The following KLHL29 variants were observed in gnomAD, a reference collection of about 807,000 sequenced individuals.
KLHL29 encodes kelch like family member 29.
A neutral mutation model predicts 80.4 loss-of-function variants in KLHL29; 21 were observed. That is an observed-to-expected ratio of 0.26 (90% CI 0.19 to 0.38). The LOEUF is 0.38. Among genes scored for constraint, KLHL29 ranks in the 10% least tolerant of loss-of-function variants. The pLI, the probability that KLHL29 is intolerant of heterozygous loss-of-function variation, is 1.00. For missense variants in KLHL29, 867 were observed against 1,223.9 expected (o/e 0.71, Z 4.35); for synonymous variants, 511 against 526.8 (o/e 0.97, Z 0.41).
chr2:23,692,851 T>C (rs1452049664), intron 7 of KLHL29, among the ~76,000 whole-genome samples: 3 of 152,096 alleles, frequency 2.0e-5, no homozygotes, highest in Non-Finnish European at 2.9e-5. Context: ...GGGGCACTAC[T>C]GCTAACGAAG....
In KLHL29 at chr2:23,684,391, T is replaced by C; in HGVS notation, c.941-8T>C. On this transcript the variant is annotated splice_polypyrimidine_tract_variant and splice_region_variant and intron_variant, in intron 5 of 13. Transcript: ENST00000486442. This position sits in a 1 kb window ranked among gnomAD's most constrained non-coding sequence, Gnocchi z 4.4. ...AACCTGGCCCTGTCTGTCTTCTCTG[T>C]TCTGCAGAAATGTTGAAGGAATTGA... 1 of 1,516,408 alleles carries C rather than the reference T, an allele frequency of 6.6e-7. No homozygotes were observed. The highest frequency in any genetic ancestry group is 8.8e-7 in the Non-Finnish European group (1 of 1,131,138). 93.9% of individuals were successfully genotyped at this position (1,516,408 alleles called of 1,614,324 possible). A position where few individuals can be genotyped will look rare whatever the true frequency, so the allele number is the denominator to read the frequency against.
At chr2:23,500,824 C>G (rs1400759422) in intron 2 of KLHL29, among the ~76,000 whole-genome samples, 1 of 152,190 alleles carries the variant, frequency 6.6e-6, no homozygotes, top group African/African-American at 2.4e-5. Context: ...GATTTCAAAT[C>G]CTGCACGTGG....
At position 23,658,332 on chromosome 2, in the gene KLHL29, C is replaced by T. The variant is rs187766052; in HGVS notation, c.940+15482C>T. ...CCTGGACACCAGGGTGGGGAAGATG[C>T]CCCCGTCAGCACAGGCTGCTAAGTC... On this transcript the variant is annotated intron_variant, in intron 5 of 13. Coordinates refer to ENST00000486442, the MANE Select transcript of KLHL29 (RefSeq NM_052920.2). 1.2e-3 allele frequency among the ~76,000 whole-genome samples: 190 copies of T among 152,260 alleles called. 1 individual carries two copies. The highest frequency in any genetic ancestry group is 4.3e-3 in the African/African-American group (179 of 41,558).
intron 1 of KLHL29, among the ~76,000 whole-genome samples, chr2:23,403,358 A>T (rs1407564668): frequency 6.6e-6 from 1 of 152,198 alleles, no homozygotes; most frequent in African/African-American, 2.4e-5. Context: ...TGGGAAAGGA[A>T]CCAAATGGTT....
chr2:23,534,010 C>CTGATATTTTAAT (rs1666584712), intron 2 of KLHL29, among the ~76,000 whole-genome samples: 1 of 151,492 alleles, frequency 6.6e-6, no homozygotes, highest in Admixed American at 6.6e-5. Flanking sequence ...AATAGTCCTC[C>CTGATATTTTAAT]TGATATTTTA....
At chr2:23,446,365 G>A (rs1663678099) in intron 1 of KLHL29, among the ~76,000 whole-genome samples, 1 of 152,054 alleles carries the variant, frequency 6.6e-6, no homozygotes, top group Non-Finnish European at 1.5e-5. Context: ...CCATTGATCT[G>A]TCAGACCCAA....
intron 5 of KLHL29, among the ~76,000 whole-genome samples, chr2:23,664,564 A>G (rs370669428): frequency 6.6e-6 from 1 of 152,224 alleles, no homozygotes; most frequent in Non-Finnish European, 1.5e-5. Flanking sequence ...CAGGGCCAGG[A>G]GGCGGGGATA....
At chr2:23,448,155 T>C in intron 1 of KLHL29, among the ~76,000 whole-genome samples, 1 of 152,200 alleles carries the variant, frequency 6.6e-6, no homozygotes, top group African/African-American at 2.4e-5. Flanking sequence ...ACAGGACGTG[T>C]GAGAAGACTA....
intron 5 of KLHL29, among the ~76,000 whole-genome samples, chr2:23,660,632 C>T (rs909899369): frequency 1.3e-5 from 2 of 152,260 alleles, no homozygotes; most frequent in Non-Finnish European, 2.9e-5. Context: ...TCACCAGGCT[C>T]CAGCCTTCTG....
intron 5 of KLHL29, 118 bp downstream of exon 5, chr2:23,642,968 A>G: frequency 8.6e-7 from 1 of 1,158,060 alleles, no homozygotes; most frequent in Non-Finnish European, 1.3e-6. Flanking sequence ...GGCCTCCCCA[A>G]CCCAGAGGCT....
intron 3 of KLHL29, among the ~76,000 whole-genome samples, chr2:23,564,469 C>T (rs950268709): frequency 6.6e-6 from 1 of 152,248 alleles, no homozygotes; most frequent in Non-Finnish European, 1.5e-5. Flanking sequence ...TGCCTCCAGC[C>T]CGGCCTGTTT....
At chr2:23,414,126 A>C (rs146397639) in intron 1 of KLHL29, among the ~76,000 whole-genome samples, 3 of 152,368 alleles carry the variant, frequency 2.0e-5, no homozygotes, top group Non-Finnish European at 4.4e-5. Context: ...TTTCAGAAGA[A>C]AGAGGCTGAG....
intron 2 of KLHL29, among the ~76,000 whole-genome samples, chr2:23,516,148 G>A (rs934370): frequency 0.18 from 27,768 of 151,974 alleles, 3,017 homozygotes; most frequent in East Asian, 0.56. Context: ...GATCCCTTCT[G>A]CCCTGCCCAG....
chr2:23,690,580 G>A (rs1026365991), intron 6 of KLHL29: 10 of 152,284 alleles, frequency 6.6e-5, no homozygotes, highest in South Asian at 2.1e-4. Context: ...TCCCAGCCAC[G>A]TGGCCAGGCC....
intron 1 of KLHL29, among the ~76,000 whole-genome samples, chr2:23,399,924 C>T (rs1666546901): frequency 6.6e-6 from 1 of 152,210 alleles, no homozygotes; most frequent in African/African-American, 2.4e-5. Flanking sequence ...CTAACTAGTA[C>T]TCCATCCCAT....
rs780947540 is a variant in KLHL29 at position 23,695,910 on chromosome 2, C to CT, written c.1742-39dup. On this transcript the variant is annotated intron_variant, in intron 9 of 13. Transcript: ENST00000486442. The surrounding 1 kb of genome is among the most constrained non-coding windows in gnomAD (Gnocchi z 7.6). ...GGTGCCAGGCACAGATGCCGACAGT[C>CT]TTAGAGTGTGTCCCAAGGGCGCCCA... 1.2e-4 allele frequency: 189 copies of CT among 1,544,348 alleles called. 1 individual carries two copies. Among genetic ancestry groups the CT allele is most frequent in the Middle Eastern group, 1.7e-4 (1 of 5,984 alleles).
Position 23,523,698 on chromosome 2 carries a change from G to A in KLHL29, c.-45-38454G>A, listed in dbSNP as rs373695867. Among the ~76,000 whole-genome samples, 101 of 152,278 alleles carry A rather than the reference G, an allele frequency of 6.6e-4. 1 individual carries two copies. In the South Asian group the frequency reaches 0.017, roughly 26 times the overall value. ...CAAACATTGAGGAAGTACCTACTGTGTGCAGGCCACAGTCGTAGGAGCTGG... is the reference window on the plus strand; with the variant it reads ...CAAACATTGAGGAAGTACCTACTGTATGCAGGCCACAGTCGTAGGAGCTGG... On this transcript the variant is annotated intron_variant, in intron 2 of 13. Transcript: ENST00000486442.
chr2:23,586,035 G>A (rs527977595), intron 3 of KLHL29, among the ~76,000 whole-genome samples: 4 of 152,230 alleles, frequency 2.6e-5, no homozygotes, highest in East Asian at 3.9e-4. Flanking sequence ...TATGCAGAAC[G>A]AGAGCACACA....
At chr2:23,441,009 G>T (rs1014168342) in intron 1 of KLHL29, among the ~76,000 whole-genome samples, 1 of 152,144 alleles carries the variant, frequency 6.6e-6, no homozygotes, top group Non-Finnish European at 1.5e-5. Flanking sequence ...AAATCATGCT[G>T]CTATAAAGAC....
Sources: allele counts gnomAD v4.1 joint callset (sites outside exome capture counted in the v4.1 genomes callset), GRCh38; gene constraint gnomAD v4.1.1; non-coding constraint Gnocchi (gnomAD v3.1); transcripts MANE v1.5; gene names NCBI Gene and HGNC (gene_info 2026-07-23, HGNC 2026-07-21).